The following RBMS1 variants were observed in gnomAD, a reference collection of about 807,000 sequenced individuals.
RBMS1 encodes the protein RNA binding motif single stranded interacting protein 1, also known as RNA-binding motif, single-stranded-interacting protein 1.
Under a neutral mutation model 62.3 loss-of-function variants are expected in RBMS1, and 17 were observed. That is an observed-to-expected ratio of 0.27 (90% confidence interval 0.19 to 0.41). The LOEUF (loss-of-function observed/expected upper bound fraction) is 0.41, where lower values mean the gene tolerates loss of function less well. RBMS1 is among the 10% of genes least tolerant of loss of function. RBMS1 has a pLI of 1.00. For synonymous variants in RBMS1, 172 were observed against 170.0 expected, an observed-to-expected ratio of 1.01 and a Z score of -0.09; for missense variants, 334 against 504.5, an observed-to-expected ratio of 0.66 and a Z score of 3.24.
At chr2:160,444,395 C>T (rs1683552670) in intron 1 of RBMS1, among the ~76,000 whole-genome samples, 1 of 152,152 alleles carries the variant, frequency 6.6e-6, no homozygotes, top group South Asian at 2.1e-4. Flanking sequence ...TATCTAGTTA[C>T]ATATTTATTA....
At chr2:160,401,715 CA>C (rs1425568403) in intron 1 of RBMS1, among the ~76,000 whole-genome samples, 1 of 152,120 alleles carries the variant, frequency 6.6e-6, no homozygotes, top group Non-Finnish European at 1.5e-5. Context: ...ACCTGTTTTC[CA>C]GCAAATTAAA....
At position 160,311,232 on chromosome 2, in the gene RBMS1, C is replaced by CTATCTATCTATCTA. The variant is rs1381483574; in HGVS notation, c.402+1923_402+1924insTAGATAGATAGATA. 5.7e-4 allele frequency among the ~76,000 whole-genome samples: 45 copies of CTATCTATCTATCTA among 79,250 alleles called. 1 individual carries two copies. Among genetic ancestry groups the CTATCTATCTATCTA allele is most frequent in the African/African-American group, 1.3e-3 (30 of 22,736 alleles). The allele number at this position is 79,250 out of a possible 152,430, so 52.0% of individuals were successfully genotyped here. A position where few individuals can be genotyped will look rare whatever the true frequency, so the allele number is the denominator to read the frequency against. Reference sequence around the variant, plus strand: ...AAAATCTATCTATCTATCTATCTATCTATATATATATATATATATATATAT... The same window carrying CTATCTATCTATCTA: ...AAAATCTATCTATCTATCTATCTATCTATCTATCTATCTATATATATATATATATATATATATAT... On this transcript the variant is annotated intron_variant, in intron 4 of 13. Transcript: ENST00000348849.
intron 1 of RBMS1, among the ~76,000 whole-genome samples, chr2:160,380,611 C>A (rs1244500261): frequency 1.3e-5 from 2 of 152,198 alleles, no homozygotes; most frequent in Non-Finnish European, 2.9e-5. Flanking sequence ...GTCTTCGGAT[C>A]TAACAGTTTA....
chr2:160,291,337 T>A (rs1485542847), intron 6 of RBMS1, among the ~76,000 whole-genome samples: 1 of 152,156 alleles, frequency 6.6e-6, no homozygotes, highest in Non-Finnish European at 1.5e-5. Flanking sequence ...AGCTTCCCTA[T>A]CCACTGTGGA....
intron 1 of RBMS1, among the ~76,000 whole-genome samples, chr2:160,435,137 G>C (rs947649691): frequency 1.3e-5 from 2 of 152,226 alleles, no homozygotes; most frequent in Admixed American, 6.5e-5. Flanking sequence ...TCTATGGAAA[G>C]AGTGGGGTTA....
intron 1 of RBMS1, among the ~76,000 whole-genome samples, chr2:160,383,458 G>C (rs955666958): frequency 3.3e-5 from 5 of 150,460 alleles, no homozygotes; most frequent in African/African-American, 7.3e-5. Flanking sequence ...TGAATTGGGG[G>C]GGGGGGAACT....
chr2:160,441,073 A>G (rs1159496453), intron 1 of RBMS1, among the ~76,000 whole-genome samples: 1 of 152,164 alleles, frequency 6.6e-6, no homozygotes, highest in Non-Finnish European at 1.5e-5. Context: ...GTCTGTCATC[A>G]TAGAGGAGTT....
chr2:160,340,850 A>G (rs1321721021), intron 2 of RBMS1, among the ~76,000 whole-genome samples: 1 of 152,208 alleles, frequency 6.6e-6, no homozygotes, highest in Non-Finnish European at 1.5e-5. Flanking sequence ...TGTAAAACTC[A>G]TGTAAGTCTT....
intron 1 of RBMS1, among the ~76,000 whole-genome samples, chr2:160,396,336 G>A (rs1695137456): frequency 6.6e-6 from 1 of 152,036 alleles, no homozygotes. Context: ...TTAGAGGGAG[G>A]TGTAATTTAT....
intron 1 of RBMS1, among the ~76,000 whole-genome samples, chr2:160,454,225 A>G (rs1433518200): frequency 3.9e-5 from 6 of 152,380 alleles, no homozygotes; most frequent in Non-Finnish European, 7.3e-5. Context: ...TAAACTAGAC[A>G]TAGAAAGGAT....
chr2:160,429,306 C>T (rs543164832), intron 1 of RBMS1, among the ~76,000 whole-genome samples: 3 of 152,082 alleles, frequency 2.0e-5, no homozygotes, highest in African/African-American at 7.2e-5. Flanking sequence ...AAGGACCCAC[C>T]ATAACTCACA....
intron 1 of RBMS1, among the ~76,000 whole-genome samples, chr2:160,419,213 TA>T (rs1696317073): frequency 6.6e-6 from 1 of 152,196 alleles, no homozygotes; most frequent in Non-Finnish European, 1.5e-5. Context: ...TATTCTATTT[TA>T]GGGGGACTCT....
intron 2 of RBMS1, among the ~76,000 whole-genome samples, chr2:160,357,927 T>C (rs1202071946): frequency 6.6e-6 from 1 of 152,176 alleles, no homozygotes. Flanking sequence ...GCTAAAATTA[T>C]TTCTGTGAAA....
chr2:160,429,290 A>T (rs1051500459), intron 1 of RBMS1, among the ~76,000 whole-genome samples: 1 of 152,188 alleles, frequency 6.6e-6, no homozygotes, highest in Non-Finnish European at 1.5e-5. Flanking sequence ...TTCTCATAAG[A>T]GATTAAAGGA....
rs555628405 is a variant in RBMS1 at position 160,378,790 on chromosome 2, C to T, written c.76-11399G>A. ...TTCATACACTCAAAACAAGTTACTT[C>T]ATACTCTGTTTCTTTAAAAATAAAA... On this transcript the variant is annotated intron_variant, in intron 1 of 13. Transcript: ENST00000348849. Among the ~76,000 whole-genome samples, 4 of 152,298 alleles carry T rather than the reference C, an allele frequency of 2.6e-5. No homozygotes were observed. In the South Asian group the frequency reaches 8.3e-4, roughly 32 times the overall value.
At chr2:160,345,010 T>G (rs1007703693) in intron 2 of RBMS1, among the ~76,000 whole-genome samples, 1 of 152,152 alleles carries the variant, frequency 6.6e-6, no homozygotes, top group Non-Finnish European at 1.5e-5. Context: ...CCTCTATGTA[T>G]CTCCTACAAA....
At chr2:160,381,238 A>G (rs1031841757) in intron 1 of RBMS1, among the ~76,000 whole-genome samples, 1 of 152,178 alleles carries the variant, frequency 6.6e-6, no homozygotes, top group Non-Finnish European at 1.5e-5. Flanking sequence ...GTTTTCCCTT[A>G]ATAGGGGGAT....
At chr2:160,359,253 T>A (rs2106015079) in intron 2 of RBMS1, among the ~76,000 whole-genome samples, 1 of 152,300 alleles carries the variant, frequency 6.6e-6, no homozygotes, top group South Asian at 2.1e-4. Context: ...TCAGAGGCGT[T>A]GCTTTAGAAT....
rs1395046461 is a variant in RBMS1 at position 160,426,285 on chromosome 2, G to GAAAGAAAGAAAGA, written c.76-58895_76-58894insTCTTTCTTTCTTT. On this transcript the variant is annotated intron_variant, in intron 1 of 13. Coordinates refer to ENST00000348849, the MANE Select transcript of RBMS1 (RefSeq NM_016836.4). ...AGAAAGAAAGAAAGAAAGAAAGAAA[G>GAAAGAAAGAAAGA]AAAGAAAAGAAAGAAGGAAGGAAGG... 1.8e-4 allele frequency among the ~76,000 whole-genome samples: 18 copies of GAAAGAAAGAAAGA among 100,214 alleles called. No homozygotes were observed. In the East Asian group the frequency reaches 2.3e-3, roughly 13 times the overall value. 65.7% of individuals were successfully genotyped at this position (100,214 alleles called of 152,430 possible).
Sources: gnomAD v4.1 joint callset for allele counts (sites outside exome capture counted in the v4.1 genomes callset) on GRCh38, gnomAD v4.1.1 for gene constraint, MANE v1.5 for transcripts, NCBI Gene and HGNC (gene_info 2026-07-23, HGNC 2026-07-21) for gene names.